CSMD2: variants seen among roughly 807,000 people sequenced by gnomAD.
CSMD2 encodes CUB and Sushi multiple domains 2.
A neutral mutation model predicts 398.5 loss-of-function variants in CSMD2; 130 were observed. The observed-to-expected ratio is 0.33, with a 90% confidence interval of 0.28 to 0.38. CSMD2 has a LOEUF of 0.38. Ranked by LOEUF, CSMD2 falls within the 10% of genes least tolerant of loss-of-function variation. The pLI is 1.00. For synonymous variants in CSMD2, 1,828 were observed against 1,908.5 expected (o/e 0.96, Z 1.10); for missense variants, 3,829 against 4,764.9 (o/e 0.80, Z 5.78).
Position 33,577,935 on chromosome 1 carries a change from A to G in CSMD2, c.7388-451T>C, listed in dbSNP as rs1278813579. Among the ~76,000 whole-genome samples, 9 of 152,294 alleles carry G rather than the reference A, an allele frequency of 5.9e-5. No individual in the cohort carries two copies. In the East Asian group the frequency reaches 1.7e-3, roughly 29 times the overall value. ...TGACCAGTTTCTGTAACTTGGGGCA[A>G]ATCACTTCAGCTCCAATTTCCTCGC... On this transcript the variant is annotated intron_variant, in intron 48 of 70. Transcript: ENST00000373381.
intron 57 of CSMD2, among the ~76,000 whole-genome samples, chr1:33,543,710 C>T (rs1656582489): frequency 1.3e-5 from 2 of 152,168 alleles, no homozygotes; most frequent in Admixed American, 6.5e-5. Flanking sequence ...TAATTCTATC[C>T]TTCTTTCTGC....
At chr1:33,750,074 C>G (rs1038016819) in intron 13 of CSMD2, among the ~76,000 whole-genome samples, 1 of 151,612 alleles carries the variant, frequency 6.6e-6, no homozygotes, top group Non-Finnish European at 1.5e-5. Context: ...ACAACAAAAA[C>G]AACAAAACTG....
At position 33,846,940 on chromosome 1, in the gene CSMD2, A is replaced by G. The variant is rs1638293145; in HGVS notation, c.977T>C (p.Leu326Pro). Residue 326 changes from leucine to proline, a missense_variant, in exon 6 of 71, where the codon CTG (leucine) becomes CCG (proline). By Grantham distance (98) the Leu-to-Pro change is moderately conservative. Coordinates refer to ENST00000373381, the MANE Select transcript of CSMD2 (RefSeq NM_001281956.2). ...PVISSKNWLR[L>P]HFTSDGNHRQ... ...GTGGTTGCCATCCGATGTGAAGTGC[A>G]GTCGCAGCCAGTTCTTGCTGCTGAT... 6.2e-7 allele frequency: 1 copy of G among 1,610,882 alleles called. No homozygotes were observed. The highest frequency in any genetic ancestry group is 8.5e-7 in the Non-Finnish European group (1 of 1,178,470).
intron 5 of CSMD2, among the ~76,000 whole-genome samples, chr1:33,904,897 C>T (rs1013476843): frequency 2.6e-5 from 4 of 152,122 alleles, no homozygotes; most frequent in Non-Finnish European, 4.4e-5. Flanking sequence ...CTGCCCGCCT[C>T]GGCCTCCCAA....
At chr1:33,612,709 T>G (rs140764821) in intron 40 of CSMD2, among the ~76,000 whole-genome samples, 1,664 of 145,382 alleles carry the variant, frequency 0.011, 29 homozygotes, top group African/African-American at 0.041. Context: ...TGAGACAGAG[T>G]CTTGTTCGGT....
chr1:33,698,853 G>A lies in CSMD2; in HGVS notation c.3825C>T (p.Ser1275=). The A allele has an allele frequency of 6.2e-7, 1 of 1,614,222 alleles. No individual in the cohort carries two copies. Residue 1275 remains serine (S), a synonymous_variant, in exon 24 of 71, where the codon TCC becomes TCT. Coordinates refer to ENST00000373381, the MANE Select transcript of CSMD2 (RefSeq NM_001281956.2). ...DEGHFAGSSV[S]FSCDPGYSLR... ...GGCTGTATCCAGGGTCACAGCTGAA[G>A]GACACGGAGCTCCCTGCAAAATGAC... is the stretch of plus-strand genomic sequence containing the variant.
chr1:33,980,199 G>C (rs547741602), intron 3 of CSMD2, among the ~76,000 whole-genome samples: 1 of 152,246 alleles, frequency 6.6e-6, no homozygotes, highest in African/African-American at 2.4e-5. Context: ...CACAGACTCA[G>C]ACTATCCCAC....
intron 3 of CSMD2, among the ~76,000 whole-genome samples, chr1:33,955,740 A>G (rs1484401521): frequency 3.2e-5 from 4 of 123,330 alleles, no homozygotes; most frequent in Non-Finnish European, 5.5e-5. Context: ...CCTGATCATC[A>G]CCACCATCAC....
chr1:33,733,076 G>A (rs1240336294), intron 15 of CSMD2, among the ~76,000 whole-genome samples: 5 of 152,222 alleles, frequency 3.3e-5, no homozygotes, highest in East Asian at 1.9e-4. Flanking sequence ...CTGGGTGGAC[G>A]TGGGAATGCC....
At chr1:33,864,212 A>G in intron 5 of CSMD2, 2 of 1,603,566 alleles carry the variant, frequency 1.2e-6, no homozygotes, top group African/African-American at 2.7e-5. Flanking sequence ...AAATCCAGCT[A>G]AAGCCTAAGG....
intron 3 of CSMD2, among the ~76,000 whole-genome samples, chr1:34,005,200 CCCTCT>C (rs887634276): frequency 1.3e-5 from 2 of 152,176 alleles, no homozygotes; most frequent in Non-Finnish European, 2.9e-5. Context: ...GCTAGGGAGA[CCCTCT>C]CTGCCTTGGC....
At chr1:33,798,853 G>A (rs2124910798) in intron 10 of CSMD2, among the ~76,000 whole-genome samples, 1 of 152,316 alleles carries the variant, frequency 6.6e-6, no homozygotes, top group South Asian at 2.1e-4. Context: ...GTGCTGTCCA[G>A]GATTAGCCAA....
At chr1:34,110,388 C>T (rs1214319339) in intron 1 of CSMD2, among the ~76,000 whole-genome samples, 5 of 152,032 alleles carry the variant, frequency 3.3e-5, no homozygotes, top group South Asian at 4.1e-4. Context: ...TAAAGACACA[C>T]GTTTTTATGT....
chr1:33,889,790 C>T (rs545174433), intron 5 of CSMD2, among the ~76,000 whole-genome samples: 107 of 128,174 alleles, frequency 8.3e-4, no homozygotes, highest in Middle Eastern at 8.5e-3. Flanking sequence ...TGTGTGCATG[C>T]GCCAGCGTGT....
At chr1:33,836,508 C>T (rs1660282906) in intron 6 of CSMD2, among the ~76,000 whole-genome samples, 2 of 152,216 alleles carry the variant, frequency 1.3e-5, no homozygotes, top group South Asian at 4.1e-4. Flanking sequence ...TGGTGGGCTT[C>T]ACCCAGTTCG....
At chr1:33,972,852 C>T (rs551390026) in intron 3 of CSMD2, among the ~76,000 whole-genome samples, 10 of 152,316 alleles carry the variant, frequency 6.6e-5, no homozygotes, top group African/African-American at 2.4e-4. Flanking sequence ...CCACGACCTG[C>T]ACGAGCGCAA....
intron 28 of CSMD2, among the ~76,000 whole-genome samples, chr1:33,647,529 A>G (rs1427386765): frequency 6.6e-6 from 1 of 152,226 alleles, no homozygotes; most frequent in East Asian, 1.9e-4. Flanking sequence ...TATTACGAAA[A>G]AATTATGCAT....
intron 3 of CSMD2, among the ~76,000 whole-genome samples, chr1:34,014,141 C>T (rs557143377): frequency 2.0e-5 from 3 of 152,362 alleles, no homozygotes; most frequent in African/African-American, 4.8e-5. Context: ...CACTTCTCTC[C>T]GCCTTCACCG....
At chr1:33,986,876 C>T (rs1431840239) in intron 3 of CSMD2, among the ~76,000 whole-genome samples, 1 of 152,184 alleles carries the variant, frequency 6.6e-6, no homozygotes, top group Non-Finnish European at 1.5e-5. Context: ...CCCCTGATTG[C>T]AATGTGGCAC....
Sources: allele counts gnomAD v4.1 joint callset (sites outside exome capture counted in the v4.1 genomes callset), GRCh38; gene constraint gnomAD v4.1.1; transcripts MANE v1.5; gene names NCBI Gene and HGNC (gene_info 2026-07-23, HGNC 2026-07-21).